The following PDZD2 variants were observed in gnomAD, a reference collection of about 807,000 sequenced individuals.
PDZD2 encodes the protein PDZ domain containing 2.
Under a neutral mutation model 220.7 loss-of-function variants are expected in PDZD2, and 90 were observed. The ratio of observed to expected loss-of-function variants is 0.41; its 90% CI spans 0.34 to 0.49. The LOEUF (loss-of-function observed/expected upper bound fraction) is 0.49. PDZD2 is among the 20% of genes least tolerant of loss of function. The pLI is 0.28. For synonymous variants in PDZD2, 1,375 were observed against 1,450.5 expected (o/e 0.95, Z 1.18); for missense variants, 3,174 against 3,608.5 (o/e 0.88, Z 3.08).
intron 2 of PDZD2, among the ~76,000 whole-genome samples, chr5:31,865,819 G>GAT (rs1300181784): frequency 6.6e-6 from 1 of 150,876 alleles, no homozygotes; most frequent in African/African-American, 2.4e-5. Flanking sequence ...TTTTAGTAGA[G>GAT]GCTGGGTTTC....
chr5:31,768,289 A>C (rs1020346142), intron 1 of PDZD2, among the ~76,000 whole-genome samples: 1 of 152,222 alleles, frequency 6.6e-6, no homozygotes, highest in African/African-American at 2.4e-5. Flanking sequence ...CCCAAGGGAC[A>C]GGGCGATATT....
At chr5:31,934,318 G>C (rs528296637) in intron 2 of PDZD2, among the ~76,000 whole-genome samples, 1 of 152,114 alleles carries the variant, frequency 6.6e-6, no homozygotes, top group Non-Finnish European at 1.5e-5. Context: ...TTACCCACAC[G>C]ATCAACTTTC....
At chr5:31,751,242 C>CAAA (rs545923936) in intron 1 of PDZD2, among the ~76,000 whole-genome samples, 42,291 of 130,594 alleles carry the variant, frequency 0.32, 7,668 homozygotes, top group East Asian at 0.46. Flanking sequence ...AGTACATCTC[C>CAAA]AAAAAAAAAA....
At chr5:31,968,436 C>T (rs1042417318) in intron 2 of PDZD2, among the ~76,000 whole-genome samples, 2 of 151,868 alleles carry the variant, frequency 1.3e-5, no homozygotes, top group African/African-American at 4.8e-5. Flanking sequence ...GGTGGATCTC[C>T]TGAGGTTGGG....
At chr5:31,847,857 A>G (rs1580880798) in intron 2 of PDZD2, 1 of 529,688 alleles carries the variant, frequency 1.9e-6, no homozygotes, top group East Asian at 4.7e-5. Flanking sequence ...ATGCATTGGA[A>G]GCACATCACG....
intron 7 of PDZD2, among the ~76,000 whole-genome samples, chr5:32,042,231 C>T (rs187759774): frequency 0.022 from 3,262 of 147,168 alleles, 51 homozygotes; most frequent in Non-Finnish European, 0.033. Flanking sequence ...CACTGCACTC[C>T]AGCCTGGGCG....
At chr5:31,995,369 C>A (rs1378541949) in intron 3 of PDZD2, among the ~76,000 whole-genome samples, 1 of 152,216 alleles carries the variant, frequency 6.6e-6, no homozygotes, top group Non-Finnish European at 1.5e-5. Flanking sequence ...AAATATAGAA[C>A]ATTTCCATGA....
At chr5:31,863,464 A>G (rs191543261) in intron 2 of PDZD2, among the ~76,000 whole-genome samples, 185 of 152,252 alleles carry the variant, frequency 1.2e-3, no homozygotes, top group African/African-American at 4.2e-3. Context: ...GTCTTATTAC[A>G]CTTTTGAATC....
intron 3 of PDZD2, among the ~76,000 whole-genome samples, chr5:31,989,701 G>A (rs1306930284): frequency 6.6e-6 from 1 of 152,168 alleles, no homozygotes; most frequent in Non-Finnish European, 1.5e-5. Flanking sequence ...CGGGATTACA[G>A]GCATGAGCCA....
chr5:31,662,459 G>T (rs2150112588), intron 1 of PDZD2, among the ~76,000 whole-genome samples: 1 of 152,254 alleles, frequency 6.6e-6, no homozygotes, highest in Non-Finnish European at 1.5e-5. Context: ...TAAACTCAGT[G>T]GCTTATAAAT....
intron 21 of PDZD2, 122 bp downstream of exon 21, chr5:32,093,146 TGGGTTGC>T (rs1173994920): frequency 4.9e-5 from 31 of 629,134 alleles, no homozygotes; most frequent in Non-Finnish European, 8.0e-5. Flanking sequence ...AGGACTGCCT[TGGGTTGC>T]GAGTTTCACA....
chr5:31,956,663 G>A (rs1285798136), intron 2 of PDZD2, among the ~76,000 whole-genome samples: 1 of 149,550 alleles, frequency 6.7e-6, no homozygotes, highest in Non-Finnish European at 1.5e-5. Context: ...GGAGGCTGAG[G>A]CAGAAGAATC....
intron 2 of PDZD2, among the ~76,000 whole-genome samples, chr5:31,949,966 G>A (rs1392376744): frequency 6.6e-6 from 1 of 152,006 alleles, no homozygotes; most frequent in Non-Finnish European, 1.5e-5. Context: ...ACAGGCGTGA[G>A]CCACCATGCC....
At position 32,057,751 on chromosome 5, in the gene PDZD2, C is replaced by G. The variant is rs370434333; in HGVS notation, c.1974+23C>G. On this transcript the variant is annotated intron_variant, in intron 11 of 24. Transcript: ENST00000438447. ...AAGGTAACAACATTCTTATTGATCT[C>G]CTTTATCCTATTTTCCTTTCTTTAT... 27 of 1,495,538 alleles carry G rather than the reference C, an allele frequency of 1.8e-5. No individual in the cohort carries two copies. The South Asian group carries it at 2.6e-4, about 14-fold the overall frequency. The allele number at this position is 1,495,538 out of a possible 1,614,324, so 92.6% of individuals were successfully genotyped here.
At chr5:32,101,616 C>T (rs972694553) in intron 24 of PDZD2, among the ~76,000 whole-genome samples, 17 of 152,338 alleles carry the variant, frequency 1.1e-4, no homozygotes, top group African/African-American at 3.8e-4. Flanking sequence ...CACTAAGTAA[C>T]ATCACTAGAC....
At chr5:32,023,856 A>T (rs2112152647) in intron 6 of PDZD2, among the ~76,000 whole-genome samples, 1 of 152,302 alleles carries the variant, frequency 6.6e-6, no homozygotes, top group Non-Finnish European at 1.5e-5. Context: ...AGAAAATATA[A>T]CTCCAGAAAC....
chr5:31,987,151 A>G (rs1750786253), intron 3 of PDZD2, among the ~76,000 whole-genome samples: 1 of 152,210 alleles, frequency 6.6e-6, no homozygotes, highest in Non-Finnish European at 1.5e-5. Context: ...CTGCTTATAT[A>G]GAATGTAATG....
At chr5:31,701,095 G>A (rs1747586376) in intron 1 of PDZD2, among the ~76,000 whole-genome samples, 1 of 152,224 alleles carries the variant, frequency 6.6e-6, no homozygotes, top group Admixed American at 6.5e-5. Context: ...GGGTTGAGCT[G>A]TTGTACAGAC....
Position 32,059,358 on chromosome 5 carries a change from T to C in PDZD2, c.2318+2T>C. ...GGCCAAGATGGAGAGCAACCTGAGG[T>C]TTGTTGTTTGCCTGATAGTGTAAGG... On this transcript the variant is annotated splice_donor_variant, in intron 13 of 24. Transcript: ENST00000438447. LOFTEE classifies it high-confidence loss of function. 1 of 1,478,562 alleles carries C rather than the reference T, an allele frequency of 6.8e-7. No homozygotes were observed. Among genetic ancestry groups the C allele is most frequent in the Non-Finnish European group, 9.5e-7 (1 of 1,056,450 alleles). 91.6% of individuals were successfully genotyped at this position (1,478,562 alleles called of 1,614,324 possible).
Sources: allele counts gnomAD v4.1 joint callset (sites outside exome capture counted in the v4.1 genomes callset), GRCh38; gene constraint gnomAD v4.1.1; transcripts MANE v1.5; gene names NCBI Gene and HGNC (gene_info 2026-07-23, HGNC 2026-07-21).